The following AFF1 variants were observed in gnomAD, a reference collection of about 807,000 sequenced individuals.
AFF1 encodes AF4/FMR2 family member 1.
In AFF1, 48 loss-of-function variants were observed where a neutral mutation model predicts 121.7. The observed-to-expected ratio is 0.39, with a 90% CI of 0.31 to 0.50. The LOEUF (loss-of-function observed/expected upper bound fraction) is 0.50, where lower values mean the gene tolerates loss of function less well. Ranked by LOEUF, AFF1 falls within the 20% of genes least tolerant of loss-of-function variation. AFF1 has a pLI of 0.76. For synonymous variants in AFF1, 613 were observed against 563.0 expected, an observed-to-expected ratio of 1.09 and a Z score of -1.26; for missense variants, 1,523 against 1,511.7, an observed-to-expected ratio of 1.01 and a Z score of -0.12.
At chr4:87,014,429 A>G (rs1727107260) in intron 2 of AFF1, among the ~76,000 whole-genome samples, 1 of 152,246 alleles carries the variant, frequency 6.6e-6, no homozygotes, top group African/African-American at 2.4e-5. Flanking sequence ...AGCTTTGCCT[A>G]GGGGTACTGC....
intron 2 of AFF1, among the ~76,000 whole-genome samples, chr4:87,011,560 A>T (rs1726762146): frequency 2.0e-5 from 3 of 152,246 alleles, no homozygotes; most frequent in Admixed American, 2.0e-4. Flanking sequence ...GCTTTGATTA[A>T]AAATGAGCCA....
intron 4 of AFF1, among the ~76,000 whole-genome samples, chr4:87,054,528 A>T (rs1434337680): frequency 6.6e-6 from 1 of 152,168 alleles, no homozygotes; most frequent in Non-Finnish European, 1.5e-5. Flanking sequence ...CGTTTTCTAA[A>T]AATGTTTTAT....
Position 87,136,161 on chromosome 4 carries a change from G to A in AFF1, c.*460G>A, listed in dbSNP as rs1034569784. On this transcript the variant is annotated 3_prime_UTR_variant, in exon 21 of 21. Coordinates refer to ENST00000395146, the MANE Select transcript of AFF1 (RefSeq NM_001166693.3). ...ACTTTTGGTAAAGGGTTTTGTGGATGATTTTTTTTCTTTTGAGTTTTGGGA... is the reference window on the plus strand; with the variant it reads ...ACTTTTGGTAAAGGGTTTTGTGGATAATTTTTTTTCTTTTGAGTTTTGGGA... 1.7e-5 allele frequency: 4 copies of A among 232,574 alleles called. No individual in the cohort carries two copies. In the South Asian group the frequency reaches 7.3e-4, roughly 42 times the overall value. The allele number at this position is 232,574 out of a possible 1,614,324, so 14.4% of individuals were successfully genotyped here.
rs147343018 is a variant in AFF1, at chr4:87,011,354, G to C, written c.39-34812G>C. Among the ~76,000 whole-genome samples the C allele has an allele frequency of 2.0e-4, 31 of 152,280 alleles. 1 individual carries two copies. In the East Asian group the frequency reaches 6.0e-3, roughly 29 times the overall value. ...GAAGCTTTGAAAAATCAATAAAGAA[G>C]CAAAGTCAGATTGTGCCCAAGATTT... On this transcript the variant is annotated intron_variant, in intron 2 of 20. Transcript: ENST00000395146.
chr4:87,087,961 A>G (rs1723904252), intron 5 of AFF1, among the ~76,000 whole-genome samples: 1 of 152,234 alleles, frequency 6.6e-6, no homozygotes, highest in African/African-American at 2.4e-5. Flanking sequence ...GCAGTATTGA[A>G]ATTCTTTTAA....
At chr4:87,052,035 G>C (rs1417523723) in intron 4 of AFF1, among the ~76,000 whole-genome samples, 1 of 152,178 alleles carries the variant, frequency 6.6e-6, no homozygotes, top group Non-Finnish European at 1.5e-5. Context: ...CTTTCACAGA[G>C]ACACCTCACA....
intron 4 of AFF1, chr4:87,047,807 G>T: frequency 2.8e-6 from 2 of 714,346 alleles, no homozygotes; most frequent in Non-Finnish European, 4.9e-6. Context: ...TTTGCAGAAA[G>T]GTTTAGAGAA....
intron 8 of AFF1, 34 bp downstream of exon 8, chr4:87,095,003 G>A: frequency 1.9e-6 from 3 of 1,588,504 alleles, no homozygotes; most frequent in South Asian, 2.2e-5. Context: ...TTAAAATTTT[G>A]TAGTATGAAA....
At position 86,969,879 on chromosome 4, in the gene AFF1, CAAAAAA is replaced by C. The variant is rs70953629; in HGVS notation, c.38+21321_38+21326del. On this transcript the variant is annotated intron_variant, in intron 2 of 20. Transcript: ENST00000395146. ...TGGGCGGAAGAGCGAGACTCCGTCT[CAAAAAA>C]AAAAAAAAAAAAGGTAAGATAGTTT... Among the ~76,000 whole-genome samples the C allele has an allele frequency of 5.5e-4, 35 of 63,630 alleles. 5 individuals carry two copies. Among genetic ancestry groups the C allele is most frequent in the African/African-American group, 1.7e-3 (32 of 18,604 alleles). 41.7% of individuals were successfully genotyped at this position (63,630 alleles called of 152,430 possible).
chr4:86,988,741 C>T (rs961483991), intron 2 of AFF1, among the ~76,000 whole-genome samples: 4 of 152,100 alleles, frequency 2.6e-5, no homozygotes, highest in Non-Finnish European at 5.9e-5. Flanking sequence ...GAAGACAATC[C>T]TAAGCAAAAA....
chr4:86,978,992 A>G (rs1723520444), intron 2 of AFF1, among the ~76,000 whole-genome samples: 1 of 152,192 alleles, frequency 6.6e-6, no homozygotes, highest in Non-Finnish European at 1.5e-5. Flanking sequence ...CTATTCCTCT[A>G]GTGGTCCAAT....
At chr4:87,108,795 C>G (rs576612850) in intron 11 of AFF1, among the ~76,000 whole-genome samples, 10 of 152,290 alleles carry the variant, frequency 6.6e-5, no homozygotes, top group Non-Finnish European at 1.5e-4. Context: ...ATTTTCGAAT[C>G]ACTAAAAGCC....
chr4:87,010,989 G>C (rs1046371069), intron 2 of AFF1, among the ~76,000 whole-genome samples: 11 of 149,216 alleles, frequency 7.4e-5, no homozygotes, highest in Non-Finnish European at 1.5e-4. Context: ...GGAGGCAGGA[G>C]AATGGCGTGA....
At chr4:87,121,514 GC>G (rs1727686887) in intron 12 of AFF1, among the ~76,000 whole-genome samples, 2 of 152,162 alleles carry the variant, frequency 1.3e-5, no homozygotes, top group South Asian at 4.1e-4. Context: ...AATACCGAGT[GC>G]CTACTCTGGG....
chr4:86,990,871 G>A (rs1724646539), intron 2 of AFF1, among the ~76,000 whole-genome samples: 1 of 152,172 alleles, frequency 6.6e-6, no homozygotes, highest in Non-Finnish European at 1.5e-5. Context: ...TGTAACCTAG[G>A]CTGAGCGCGG....
intron 2 of AFF1, among the ~76,000 whole-genome samples, chr4:87,035,565 A>G (rs999177068): frequency 3.4e-4 from 11 of 32,702 alleles, no homozygotes; most frequent in South Asian, 5.0e-3. Context: ...CGTCCCAAGG[A>G]AAAAAAAAAA....
At chr4:87,118,950 A>T (rs577334256) in intron 12 of AFF1, among the ~76,000 whole-genome samples, 13 of 152,264 alleles carry the variant, frequency 8.5e-5, no homozygotes, top group East Asian at 3.9e-4. Context: ...GAGGTTTCCC[A>T]TTGGTTTCCC....
chr4:87,091,611 A>G (rs936308745), intron 6 of AFF1, among the ~76,000 whole-genome samples, 182 bp from the exon 7 acceptor site: 2 of 152,370 alleles, frequency 1.3e-5, no homozygotes, highest in Admixed American at 6.5e-5. Flanking sequence ...GCTGCAAGTC[A>G]TAATGAAATA....
At chr4:87,054,512 A>G (rs1293395855) in intron 4 of AFF1, among the ~76,000 whole-genome samples, 1 of 152,210 alleles carries the variant, frequency 6.6e-6, no homozygotes, top group Non-Finnish European at 1.5e-5. Flanking sequence ...CTAGCTTTTC[A>G]GGTTCCGTTT....
Sources: allele counts gnomAD v4.1 joint callset (sites outside exome capture counted in the v4.1 genomes callset), GRCh38; gene constraint gnomAD v4.1.1; transcripts MANE v1.5; gene names NCBI Gene and HGNC (gene_info 2026-07-23, HGNC 2026-07-21).